Variants in CDH18 observed in about 807,000 individuals in gnomAD.
CDH18 encodes cadherin-18.
A neutral mutation model predicts 67.9 loss-of-function variants in CDH18; 31 were observed. That is an observed-to-expected ratio of 0.46 (90% confidence interval 0.34 to 0.62). The LOEUF is 0.62. Ranked by LOEUF, CDH18 falls within the 20% of genes least tolerant of loss-of-function variation. CDH18 has a pLI of 0.01. For synonymous variants in CDH18, 362 were observed against 347.2 expected (o/e 1.04, Z -0.48); for missense variants, 890 against 975.5 (o/e 0.91, Z 1.17).
At chr5:19,944,481 G>T (rs540291828) in intron 2 of CDH18, among the ~76,000 whole-genome samples, 1 of 152,254 alleles carries the variant, frequency 6.6e-6, no homozygotes, top group Admixed American at 6.5e-5. Flanking sequence ...GTGACTGGCT[G>T]AGAAGATAGA....
At chr5:20,401,041 T>A (rs1745726094) in intron 1 of CDH18, among the ~76,000 whole-genome samples, 1 of 152,190 alleles carries the variant, frequency 6.6e-6, no homozygotes, top group African/African-American at 2.4e-5. Flanking sequence ...TATGGTAAAA[T>A]TCTGAGAAAA....
At chr5:20,316,556 A>G (rs941471904) in intron 1 of CDH18, among the ~76,000 whole-genome samples, 8 of 152,094 alleles carry the variant, frequency 5.3e-5, no homozygotes, top group Admixed American at 5.2e-4. Flanking sequence ...AAAGCTGTCA[A>G]GTTTATTAAG....
intron 9 of CDH18, among the ~76,000 whole-genome samples, chr5:19,541,989 GA>G (rs1750360954): frequency 6.6e-6 from 1 of 152,110 alleles, no homozygotes; most frequent in Non-Finnish European, 1.5e-5. Flanking sequence ...TTTTGAAGAT[GA>G]AAATAACCAG....
intron 3 of CDH18, among the ~76,000 whole-genome samples, chr5:19,819,213 T>C (rs1421361930): frequency 1.3e-5 from 2 of 152,022 alleles, no homozygotes; most frequent in African/African-American, 4.8e-5. Flanking sequence ...AATTATATCA[T>C]AATAAATCTA....
intron 2 of CDH18, among the ~76,000 whole-genome samples, chr5:19,893,121 T>TCCCTCTGC (rs1420233130): frequency 2.0e-5 from 3 of 152,068 alleles, no homozygotes; most frequent in Admixed American, 6.6e-5. Context: ...CCCAAACAGC[T>TCCCTCTGC]CCCTCTGCCC....
chr5:20,297,572 C>T (rs1644314577), intron 1 of CDH18, among the ~76,000 whole-genome samples: 1 of 152,148 alleles, frequency 6.6e-6, no homozygotes. Context: ...AGCAGAATCA[C>T]CAAGGCCATA....
At chr5:20,152,884 A>C (rs1261047125) in intron 2 of CDH18, among the ~76,000 whole-genome samples, 1 of 151,646 alleles carries the variant, frequency 6.6e-6, no homozygotes, top group East Asian at 1.9e-4. Context: ...TCCATTGCTT[A>C]GTTCTGCAGC....
chr5:19,646,789 G>C (rs557769301), intron 5 of CDH18, among the ~76,000 whole-genome samples: 4 of 152,264 alleles, frequency 2.6e-5, no homozygotes, highest in African/African-American at 9.6e-5. Flanking sequence ...TGCTAATACA[G>C]GGGATGGATT....
At chr5:19,925,339 T>C (rs1256031975) in intron 2 of CDH18, among the ~76,000 whole-genome samples, 1 of 152,128 alleles carries the variant, frequency 6.6e-6, no homozygotes, top group African/African-American at 2.4e-5. Context: ...GCACTCCCTG[T>C]GGGTCTTCTG....
intron 9 of CDH18, among the ~76,000 whole-genome samples, chr5:19,536,309 G>A (rs1749416767): frequency 6.6e-6 from 1 of 152,170 alleles, no homozygotes; most frequent in African/African-American, 2.4e-5. Context: ...TTACAGTTGT[G>A]ACATTTGAAA....
At chr5:20,418,679 T>C (rs1023016403) in intron 1 of CDH18, among the ~76,000 whole-genome samples, 4 of 152,056 alleles carry the variant, frequency 2.6e-5, no homozygotes, top group Non-Finnish European at 5.9e-5. Context: ...CAATTAATAA[T>C]GATTAATTGT....
chr5:19,707,942 G>A (rs1048426728), intron 5 of CDH18, among the ~76,000 whole-genome samples: 2 of 152,190 alleles, frequency 1.3e-5, no homozygotes, highest in African/African-American at 4.8e-5. Context: ...GCCACACTAC[G>A]TTCAGCTGGT....
chr5:20,319,016 A>C (rs1014360228), intron 1 of CDH18, among the ~76,000 whole-genome samples: 8 of 152,112 alleles, frequency 5.3e-5, no homozygotes, highest in African/African-American at 1.9e-4. Flanking sequence ...CTCTACTTGG[A>C]ATAGGACCCC....
At position 19,722,297 on chromosome 5, in the gene CDH18, G is replaced by A. The variant is rs372291510; in HGVS notation, c.524-831C>T. The stretch of plus-strand genomic sequence containing the variant: ...TTGAACTCCTGATCTCTGGTGATCC[G>A]CCCCGCTCAGCCTCCCAAAGTGCTG... On this transcript the variant is annotated intron_variant, in intron 4 of 12. Transcript: ENST00000382275. 7.2e-5 allele frequency among the ~76,000 whole-genome samples: 11 copies of A among 151,774 alleles called. No individual in the cohort carries two copies. The South Asian group carries it at 8.3e-4, about 12-fold the overall frequency.
intron 2 of CDH18, among the ~76,000 whole-genome samples, chr5:20,086,572 A>C (rs1744969012): frequency 6.6e-6 from 1 of 152,202 alleles, no homozygotes; most frequent in South Asian, 2.1e-4. Context: ...GGGCTAATAC[A>C]TCTTGTGACT....
chr5:20,472,993 CTTTA>C (rs1312812388), intron 1 of CDH18, among the ~76,000 whole-genome samples: 12 of 152,098 alleles, frequency 7.9e-5, no homozygotes, highest in African/African-American at 2.4e-4. Flanking sequence ...CAGTACATTA[CTTTA>C]TTTAACCTAT....
At chr5:20,208,609 T>G (rs1234287014) in intron 2 of CDH18, among the ~76,000 whole-genome samples, 2 of 152,096 alleles carry the variant, frequency 1.3e-5, no homozygotes, top group Non-Finnish European at 2.9e-5. Flanking sequence ...CTGGAAACTA[T>G]GAAACTACTA....
At chr5:20,032,793 T>G (rs1479681986) in intron 2 of CDH18, among the ~76,000 whole-genome samples, 6 of 151,988 alleles carry the variant, frequency 3.9e-5, no homozygotes, top group African/African-American at 1.4e-4. Context: ...AAAAAAATAA[T>G]AAGTTGTTGT....
intron 3 of CDH18, among the ~76,000 whole-genome samples, chr5:19,809,648 A>AG (rs1778431307): frequency 1.3e-5 from 2 of 152,232 alleles, no homozygotes; most frequent in Non-Finnish European, 2.9e-5. Flanking sequence ...CCTACAGCCC[A>AG]GATAAAAGGA....
Sources: allele counts gnomAD v4.1 joint callset (sites outside exome capture counted in the v4.1 genomes callset), GRCh38; gene constraint gnomAD v4.1.1; transcripts MANE v1.5; gene names NCBI Gene and HGNC (gene_info 2026-07-23, HGNC 2026-07-21).